CYB5A: variants seen among roughly 807,000 people sequenced by gnomAD.
CYB5A encodes cytochrome b5.
In CYB5A, 10 loss-of-function variants were observed where a neutral mutation model predicts 16.2. That is an observed-to-expected ratio of 0.62 (90% CI 0.38 to 1.04). CYB5A has a LOEUF of 1.04. CYB5A is among the 50% of genes least tolerant of loss of function. The pLI is 0.01. For synonymous variants in CYB5A, 62 were observed against 57.0 expected (o/e 1.09, Z -0.40); for missense variants, 161 against 165.9 (o/e 0.97, Z 0.16).
intron 3 of CYB5A, chr18:74,257,340 T>A: frequency 5.9e-6 from 1 of 168,394 alleles, no homozygotes; most frequent in Non-Finnish European, 1.3e-5. Flanking sequence ...GAACTTGAAA[T>A]AATCGTATCA....
At chr18:74,264,579 C>T (rs1474357414) in intron 1 of CYB5A, among the ~76,000 whole-genome samples, 1 of 152,188 alleles carries the variant, frequency 6.6e-6, no homozygotes, top group Non-Finnish European at 1.5e-5. Context: ...CCTGCCTTTG[C>T]AGAACTCACT....
chr18:74,281,589 T>C (rs897161687), intron 1 of CYB5A, among the ~76,000 whole-genome samples: 1 of 152,202 alleles, frequency 6.6e-6, no homozygotes, highest in African/African-American at 2.4e-5. Flanking sequence ...CTGGGAGACC[T>C]TGGCAAGAGA....
intron 1 of CYB5A, among the ~76,000 whole-genome samples, chr18:74,265,727 C>CA: frequency 6.6e-6 from 1 of 152,334 alleles, no homozygotes; most frequent in South Asian, 2.1e-4. Flanking sequence ...AGCTTTTACG[C>CA]ACAGTGGAAG....
intron 1 of CYB5A, among the ~76,000 whole-genome samples, chr18:74,275,289 C>T (rs1005775978): frequency 2.0e-5 from 3 of 152,164 alleles, no homozygotes; most frequent in African/African-American, 7.2e-5. Context: ...AGCCTCCTTG[C>T]AGCTACATAT....
chr18:74,271,949 C>G (rs1234391042), intron 1 of CYB5A, among the ~76,000 whole-genome samples: 1 of 152,190 alleles, frequency 6.6e-6, no homozygotes, highest in Non-Finnish European at 1.5e-5. Flanking sequence ...CTTGCCAACC[C>G]TAAGGCATAA....
chr18:74,274,133 C>T (rs1982777416), intron 1 of CYB5A, among the ~76,000 whole-genome samples: 1 of 152,138 alleles, frequency 6.6e-6, no homozygotes, highest in South Asian at 2.1e-4. Context: ...AGTAAAATAG[C>T]AGAAGGTGAT....
intron 1 of CYB5A, among the ~76,000 whole-genome samples, chr18:74,287,176 G>A (rs976400380): frequency 4.0e-5 from 6 of 151,426 alleles, no homozygotes; most frequent in Admixed American, 1.3e-4. Context: ...TTTACCTAAC[G>A]GTATATATTA....
At chr18:74,277,814 G>A (rs1002451900) in intron 1 of CYB5A, among the ~76,000 whole-genome samples, 15 of 152,294 alleles carry the variant, frequency 9.8e-5, no homozygotes, top group African/African-American at 1.7e-4. Context: ...AGAACACAAC[G>A]GTGTCATGGA....
chr18:74,279,364 C>T (rs956052856), intron 1 of CYB5A, among the ~76,000 whole-genome samples: 3 of 152,138 alleles, frequency 2.0e-5, no homozygotes, highest in Non-Finnish European at 1.5e-5. Context: ...TCTGTCTCTA[C>T]TAAAAAATAC....
chr18:74,281,821 G>GGTGTGTGTGTGT, intron 1 of CYB5A, among the ~76,000 whole-genome samples: 1 of 144,532 alleles, frequency 6.9e-6, no homozygotes. Context: ...AGGAGAGGAG[G>GGTGTGTGTGTGT]GTGTGTGTGT....
At chr18:74,264,891 TCA>T (rs1453186238) in intron 1 of CYB5A, among the ~76,000 whole-genome samples, 21 of 152,080 alleles carry the variant, frequency 1.4e-4, no homozygotes, top group Admixed American at 6.5e-4. Flanking sequence ...GAAGCAGCTC[TCA>T]GAGTAATAAA....
intron 1 of CYB5A, among the ~76,000 whole-genome samples, chr18:74,280,407 CAAAAAAA>C (rs149442312): frequency 1.2e-5 from 1 of 83,960 alleles, no homozygotes. Flanking sequence ...CCTGTCTCTA[CAAAAAAA>C]AAAAAAAAGG....
At chr18:74,287,905 G>A (rs963774208) in intron 1 of CYB5A, among the ~76,000 whole-genome samples, 5 of 152,062 alleles carry the variant, frequency 3.3e-5, no homozygotes, top group Non-Finnish European at 7.4e-5. Context: ...GGTCCTAAAT[G>A]CCTAAGTTTT....
chr18:74,258,993 A>T (rs1383155828), intron 3 of CYB5A: 2 of 152,104 alleles, frequency 1.3e-5, no homozygotes, highest in East Asian at 1.9e-4. Context: ...AAAATACAAA[A>T]ATTAGCTGGG....
chr18:74,256,246 C>A (rs543103014), intron 3 of CYB5A: 1 of 167,568 alleles, frequency 6.0e-6, no homozygotes, highest in Non-Finnish European at 1.3e-5. Flanking sequence ...ATATGTGAAC[C>A]AAAAAGAAAA....
At position 74,280,419 on chromosome 18, in the gene CYB5A, A is replaced by G. The variant is rs969447074; in HGVS notation, c.129+11328T>C. ...AACCCTGTCTCTACAAAAAAAAAAA[A>G]AAAGGGAAATTAGCCAGGCATGGTG... On this transcript the variant is annotated intron_variant, in intron 1 of 4. Coordinates refer to ENST00000340533, the MANE Select transcript of CYB5A (RefSeq NM_148923.4). Among the ~76,000 whole-genome samples, 3 of 151,720 alleles carry G rather than the reference A, an allele frequency of 2.0e-5. 1 individual carries two copies. The highest frequency in any genetic ancestry group is 7.3e-5 in the African/African-American group (3 of 41,250).
At chr18:74,276,984 G>A (rs1325485432) in intron 1 of CYB5A, among the ~76,000 whole-genome samples, 2 of 152,168 alleles carry the variant, frequency 1.3e-5, no homozygotes, top group African/African-American at 4.8e-5. Context: ...CATCCATTCT[G>A]GAGTTTTAAA....
chr18:74,289,776 C>CAA (rs531814328), intron 1 of CYB5A, among the ~76,000 whole-genome samples: 15 of 91,160 alleles, frequency 1.6e-4, no homozygotes, highest in East Asian at 8.9e-4. Context: ...AACTCTGTCT[C>CAA]AAAAAAAAAA....
chr18:74,260,318 C>T (rs1182213071), intron 3 of CYB5A: 9 of 163,800 alleles, frequency 5.5e-5, no homozygotes, highest in Admixed American at 2.4e-4. Flanking sequence ...CTTCCATTCT[C>T]ACCCTACATT....
Sources: allele counts gnomAD v4.1 joint callset (sites outside exome capture counted in the v4.1 genomes callset), GRCh38; gene constraint gnomAD v4.1.1; transcripts MANE v1.5; gene names NCBI Gene and HGNC (gene_info 2026-07-23, HGNC 2026-07-21).